IQGAP2: variants seen among roughly 807,000 people sequenced by gnomAD.
IQGAP2 encodes IQ motif containing GTPase activating protein 2.
In IQGAP2, 173 loss-of-function variants were observed where a neutral mutation model predicts 201.3. That is an observed-to-expected ratio of 0.86 (90% CI 0.76 to 0.98). The LOEUF (loss-of-function observed/expected upper bound fraction) is 0.98, where lower values mean the gene tolerates loss of function less well. Among genes scored for constraint, IQGAP2 ranks in the 50% least tolerant of loss-of-function variants. The pLI, the probability that IQGAP2 is intolerant of heterozygous loss-of-function variation, is 0.00. For missense variants in IQGAP2, 1,687 were observed against 1,864.8 expected (o/e 0.90, Z 1.76); for synonymous variants, 675 against 673.9 (o/e 1.00, Z -0.03).
rs530767864 is a variant in IQGAP2, at chr5:76,625,795, G to A, written c.1522-1615G>A. ...ATCTTAAGTTTTAAATGACGGAGTC[G>A]GTGCCAGATCCATTACCTTTCATTC... On this transcript the variant is annotated intron_variant, in intron 13 of 35. Coordinates refer to ENST00000274364, the MANE Select transcript of IQGAP2 (RefSeq NM_006633.5). Among the ~76,000 whole-genome samples, 9 of 152,192 alleles carry A rather than the reference G, an allele frequency of 5.9e-5. No homozygotes were observed. In the East Asian group the frequency reaches 9.7e-4, roughly 16 times the overall value.
chr5:76,666,229 G>C (rs253095), intron 22 of IQGAP2, among the ~76,000 whole-genome samples: 122,831 of 152,206 alleles, frequency 0.81, 49,613 homozygotes, highest in East Asian at 0.91. Flanking sequence ...GAAGGAAAAG[G>C]TTAACAGTAC....
chr5:76,678,959 T>A (rs1026288209), intron 28 of IQGAP2, among the ~76,000 whole-genome samples: 1 of 152,236 alleles, frequency 6.6e-6, no homozygotes, highest in African/African-American at 2.4e-5. Flanking sequence ...ATTAAATGAA[T>A]AGGCTATCCT....
chr5:76,550,671 T>G (rs1472726065), intron 2 of IQGAP2, among the ~76,000 whole-genome samples: 1 of 152,118 alleles, frequency 6.6e-6, no homozygotes, highest in Non-Finnish European at 1.5e-5. Context: ...GGGTTGGGGG[T>G]AGGGTCACCG....
At chr5:76,448,428 C>T (rs1348527523) in intron 1 of IQGAP2, among the ~76,000 whole-genome samples, 1 of 152,112 alleles carries the variant, frequency 6.6e-6, no homozygotes, top group Non-Finnish European at 1.5e-5. Context: ...TTCTCTCTGC[C>T]CTTTGTCTCC....
chr5:76,600,079 C>G (rs1213664437), intron 10 of IQGAP2, among the ~76,000 whole-genome samples: 1 of 151,890 alleles, frequency 6.6e-6, no homozygotes, highest in Non-Finnish European at 1.5e-5. Context: ...ACCTGGGAGG[C>G]GGAGGCTGCA....
intron 3 of IQGAP2, among the ~76,000 whole-genome samples, chr5:76,566,911 C>T (rs1744791358): frequency 6.6e-6 from 1 of 151,614 alleles, no homozygotes; most frequent in Non-Finnish European, 1.5e-5. Context: ...ATGGTGGGGA[C>T]TTGAGAGATT....
intron 11 of IQGAP2, among the ~76,000 whole-genome samples, chr5:76,604,498 G>A (rs1359251062): frequency 6.6e-6 from 1 of 151,994 alleles, no homozygotes; most frequent in East Asian, 1.9e-4. Context: ...GGATTACTGG[G>A]TCAAATGGTG....
intron 10 of IQGAP2, among the ~76,000 whole-genome samples, chr5:76,598,246 T>C (rs1747177877): frequency 6.6e-6 from 1 of 152,208 alleles, no homozygotes. Context: ...TAAGCTTTGT[T>C]AAGAAAACAT....
At chr5:76,462,243 C>T (rs757188530) in intron 2 of IQGAP2, among the ~76,000 whole-genome samples, 3 of 152,152 alleles carry the variant, frequency 2.0e-5, no homozygotes, top group African/African-American at 4.8e-5. Context: ...GTCTTTTCCC[C>T]ACTCGCAGCC....
At chr5:76,415,280 A>G (rs1751349362) in intron 1 of IQGAP2, among the ~76,000 whole-genome samples, 1 of 152,258 alleles carries the variant, frequency 6.6e-6, no homozygotes, top group Non-Finnish European at 1.5e-5. Flanking sequence ...CTTTTGGTCA[A>G]TGCTGTATCC....
chr5:76,488,060 C>G (rs958594440), intron 2 of IQGAP2, among the ~76,000 whole-genome samples: 23 of 152,286 alleles, frequency 1.5e-4, no homozygotes, highest in African/African-American at 5.5e-4. Flanking sequence ...CACTGAGCCT[C>G]TCATCTGTGG....
In IQGAP2 at chr5:76,458,888, A is replaced by G. The variant is rs115405263; in HGVS notation, c.47-2682A>G. 9.5e-3 allele frequency among the ~76,000 whole-genome samples: 1,447 copies of G among 152,222 alleles called. 23 individuals carry two copies. Among genetic ancestry groups the G allele is most frequent in the African/African-American group, 0.033 (1,387 of 41,534 alleles). On this transcript the variant is annotated intron_variant, in intron 1 of 35. Transcript: ENST00000274364. Reference sequence around the variant, plus strand: ...AAGATATTTTATTTTTTCATCATATATTTTTACAGAGCATGCAGCCTGTGC... The same window carrying G: ...AAGATATTTTATTTTTTCATCATATGTTTTTACAGAGCATGCAGCCTGTGC...
In IQGAP2 at chr5:76,416,531, C is replaced by CTTTTTTTT. The variant is rs1200311978; in HGVS notation, c.46+12945_46+12952dup. Among the ~76,000 whole-genome samples, 70 of 144,100 alleles carry CTTTTTTTT rather than the reference C, an allele frequency of 4.9e-4. 1 individual carries two copies. The South Asian group carries it at 9.3e-3, about 19-fold the overall frequency. The allele number at this position is 144,100 out of a possible 152,430, so 94.5% of individuals were successfully genotyped here. On this transcript the variant is annotated intron_variant, in intron 1 of 35. Transcript: ENST00000274364. The stretch of plus-strand genomic sequence containing the variant: ...TGATATTGGGTATAAGTTCTTTGAG[C>CTTTTTTTT]TTTTTTTTTTTTGAGACGGAGTCTC...
chr5:76,551,582 C>T (rs1347520716), intron 2 of IQGAP2, among the ~76,000 whole-genome samples: 1 of 152,118 alleles, frequency 6.6e-6, no homozygotes, highest in African/African-American at 2.4e-5. Flanking sequence ...ACTGAGTGAG[C>T]GAGACTCCGT....
intron 2 of IQGAP2, chr5:76,547,283 C>A: frequency 5.7e-6 from 1 of 174,850 alleles, no homozygotes; most frequent in Non-Finnish European, 1.1e-5. Context: ...GAAATTCATA[C>A]TGGATACAGC....
intron 1 of IQGAP2, among the ~76,000 whole-genome samples, chr5:76,455,565 C>A (rs1754032008): frequency 6.6e-6 from 1 of 152,090 alleles, no homozygotes; most frequent in Admixed American, 6.5e-5. Flanking sequence ...GATTAAGGAA[C>A]CCTCTTTCAT....
intron 2 of IQGAP2, among the ~76,000 whole-genome samples, chr5:76,514,523 T>C (rs1009930394): frequency 1.3e-5 from 2 of 152,194 alleles, no homozygotes; most frequent in African/African-American, 4.8e-5. Context: ...ATCAGATTAA[T>C]CTTCCTGAAA....
At chr5:76,549,980 C>G (rs1186670152) in intron 2 of IQGAP2, among the ~76,000 whole-genome samples, 1 of 152,190 alleles carries the variant, frequency 6.6e-6, no homozygotes, top group East Asian at 1.9e-4. Context: ...AAAATACATT[C>G]ACCTGCATTC....
At chr5:76,404,226 C>G (rs115873852) in intron 1 of IQGAP2, among the ~76,000 whole-genome samples, 1,867 of 152,218 alleles carry the variant, frequency 0.012, 40 homozygotes, top group African/African-American at 0.042. Context: ...GTGGAGAGGA[C>G]GCGGCACTAG....
Sources: allele counts gnomAD v4.1 joint callset (sites outside exome capture counted in the v4.1 genomes callset), GRCh38; gene constraint gnomAD v4.1.1; transcripts MANE v1.5; gene names NCBI Gene and HGNC (gene_info 2026-07-23, HGNC 2026-07-21).